MYO3A: variants seen among roughly 807,000 people sequenced by gnomAD.
MYO3A encodes myosin IIIA.
MYO3A carries 180 observed loss-of-function variants against 192.7 expected under a neutral mutation model. That is an observed-to-expected ratio of 0.93 (90% CI 0.83 to 1.06). The LOEUF is 1.06. MYO3A is among the 50% of genes least tolerant of loss of function. The probability of loss-of-function intolerance (pLI) is 0.00; values close to 1 mark genes in which losing one functional copy is unlikely to be tolerated. For missense variants in MYO3A, 1,896 were observed against 1,905.0 expected, an observed-to-expected ratio of 1.00 and a Z score of 0.09; for synonymous variants, 628 against 645.3, an observed-to-expected ratio of 0.97 and a Z score of 0.41.
chr10:26,000,607 A>G (rs192534467), intron 6 of MYO3A, among the ~76,000 whole-genome samples: 270 of 148,890 alleles, frequency 1.8e-3, no homozygotes, highest in African/African-American at 6.8e-3. Flanking sequence ...GATACACCAC[A>G]GGGTTTTTTT....
intron 6 of MYO3A, among the ~76,000 whole-genome samples, chr10:26,010,450 GTTTTT>G (rs778349166): frequency 2.7e-5 from 3 of 111,232 alleles, no homozygotes; most frequent in Admixed American, 1.0e-4. Flanking sequence ...CTAAGTAGTT[GTTTTT>G]TTTTTTTTTT....
Position 26,068,791 on chromosome 10 carries a change from G to A in MYO3A, c.1077G>A (p.Glu359=). 3.8e-6 allele frequency: 6 copies of A among 1,589,282 alleles called. No homozygotes were observed. The highest frequency in any genetic ancestry group is 5.2e-6 in the Non-Finnish European group (6 of 1,157,770). The part of the protein sequence containing the change: ...LDENTVSEQL[E]KCYSRDQIYV... ...AGAATACAGTCTCAGAGCAACTTGA[G>A]AAGTGTTATTCCAGAGATCAGATCT... Residue 359 remains glutamate, a synonymous_variant, in exon 12 of 35, where the codon GAG becomes GAA. Transcript: ENST00000642920.
Position 26,176,841 on chromosome 10 carries a change from C to T in MYO3A, c.4434C>T (p.Leu1478=). 6.2e-7 allele frequency: 1 copy of T among 1,614,032 alleles called. No homozygotes were observed. Among genetic ancestry groups the T allele is most frequent in the Non-Finnish European group, 8.5e-7 (1 of 1,179,950 alleles). ...GACGAGTTTCTTCTCAGCAGTGCCT[C>T]TCAGGTAAAAATCAGTAGAGTTAGA... ...INRRVSSQQC[L]SGVCKGEEPK... Residue 1478 remains leucine, a synonymous_variant, in exon 31 of 35, where the codon CTC becomes CTT. Coordinates refer to ENST00000642920, the MANE Select transcript of MYO3A (RefSeq NM_017433.5).
intron 17 of MYO3A, among the ~76,000 whole-genome samples, chr10:26,111,369 C>G (rs1003886434): frequency 2.6e-5 from 4 of 152,202 alleles, no homozygotes; most frequent in African/African-American, 9.6e-5. Flanking sequence ...TTCTTATGCT[C>G]TAATTCTGAT....
At chr10:26,002,044 CTATCTAAAAGGACT>C (rs1485944257) in intron 6 of MYO3A, among the ~76,000 whole-genome samples, 15 of 152,272 alleles carry the variant, frequency 9.9e-5, no homozygotes, top group African/African-American at 3.4e-4. Context: ...AGACTGAACC[CTATCTAAAAGGACT>C]TATGGATTTA....
In MYO3A at chr10:26,066,959, G is replaced by A. The variant is rs183163657; in HGVS notation, c.954-16G>A. The A allele has an allele frequency of 1.2e-3, 1,805 of 1,564,102 alleles. 28 individuals carry two copies. The highest frequency in any genetic ancestry group is 1.4e-4 in the Non-Finnish European group (159 of 1,134,224). On this transcript the variant is annotated splice_polypyrimidine_tract_variant and intron_variant, in intron 10 of 34. Transcript: ENST00000642920. ...CAGTAATCAATTCTTAAATCAGAAA[G>A]CGTTTTTCTCCACAGACGTGAACGT... is the stretch of plus-strand genomic sequence containing the variant.
At position 26,096,702 on chromosome 10, in the gene MYO3A, GAACTTC is replaced by G; in HGVS notation, c.1776+21_1776+26del. On this transcript the variant is annotated intron_variant, in intron 17 of 34. Transcript: ENST00000642920. The stretch of plus-strand genomic sequence containing the variant: ...ATGGAGGTAAGTATGAAAGACACTT[GAACTTC>G]TTTAGAAAGTATCTTTTTATCATCA... 2 of 1,468,614 alleles carry G rather than the reference GAACTTC, an allele frequency of 1.4e-6. No individual in the cohort carries two copies. Among genetic ancestry groups the G allele is most frequent in the Non-Finnish European group, 1.9e-6 (2 of 1,048,120 alleles). The allele number at this position is 1,468,614 out of a possible 1,614,324, so 91.0% of individuals were successfully genotyped here. A position where few individuals can be genotyped will look rare whatever the true frequency, so the allele number is the denominator to read the frequency against.
At chr10:26,205,146 G>T (rs531414189) in intron 34 of MYO3A, among the ~76,000 whole-genome samples, 1 of 152,104 alleles carries the variant, frequency 6.6e-6, no homozygotes, top group Non-Finnish European at 1.5e-5. Flanking sequence ...TTGACAAAAC[G>T]TGTATAAACT....
chr10:26,199,264 A>G (rs1843562012), intron 32 of MYO3A, among the ~76,000 whole-genome samples: 2 of 152,228 alleles, frequency 1.3e-5, no homozygotes, highest in Non-Finnish European at 2.9e-5. Context: ...AGAATATTCT[A>G]ACACAAGGCC....
At chr10:25,959,467 A>G (rs1024136948) in intron 4 of MYO3A, among the ~76,000 whole-genome samples, 3 of 152,116 alleles carry the variant, frequency 2.0e-5, no homozygotes, top group African/African-American at 7.2e-5. Flanking sequence ...CTATACCTAG[A>G]AGAATGGCTG....
intron 10 of MYO3A, among the ~76,000 whole-genome samples, chr10:26,049,269 A>G (rs1411313599): frequency 6.6e-6 from 1 of 152,178 alleles, no homozygotes; most frequent in African/African-American, 2.4e-5. Flanking sequence ...ATCATGAGAA[A>G]ACATCCAAAG....
intron 31 of MYO3A, among the ~76,000 whole-genome samples, chr10:26,185,402 C>A (rs1033524764): frequency 9.4e-5 from 12 of 127,096 alleles, no homozygotes; most frequent in Non-Finnish European, 1.6e-4. Flanking sequence ...TGCAGTGGCA[C>A]AATCTCAGGT....
intron 22 of MYO3A, among the ~76,000 whole-genome samples, chr10:26,146,710 A>T (rs1004131862): frequency 2.6e-5 from 4 of 152,222 alleles, no homozygotes; most frequent in Admixed American, 6.5e-5. Context: ...GTCACAGTGA[A>T]AGTTTACATC....
At chr10:25,955,720 T>C (rs900656791) in intron 4 of MYO3A, among the ~76,000 whole-genome samples, 1 of 152,230 alleles carries the variant, frequency 6.6e-6, no homozygotes, top group East Asian at 1.9e-4. Flanking sequence ...ATAAAATCTA[T>C]TAGAATTTTT....
chr10:26,074,090 A>G (rs1465917566), intron 14 of MYO3A, among the ~76,000 whole-genome samples: 1 of 152,172 alleles, frequency 6.6e-6, no homozygotes, highest in East Asian at 1.9e-4. Context: ...CCAAAAAAGA[A>G]AAAAAACTGT....
At chr10:26,156,353 G>A (rs562660994) in intron 25 of MYO3A, among the ~76,000 whole-genome samples, 26 of 152,212 alleles carry the variant, frequency 1.7e-4, no homozygotes, top group African/African-American at 6.0e-4. Context: ...TGCTATTTGT[G>A]TCCATACATT....
At chr10:26,076,353 T>C (rs1285315335) in intron 14 of MYO3A, among the ~76,000 whole-genome samples, 1 of 152,212 alleles carries the variant, frequency 6.6e-6, no homozygotes, top group Non-Finnish European at 1.5e-5. Context: ...TTGTTTGTTT[T>C]TTTCTTACTG....
chr10:25,996,466 C>G (rs760398382), intron 4 of MYO3A, 24 bp from the exon 5 acceptor site: 27 of 1,571,436 alleles, frequency 1.7e-5, no homozygotes, highest in Non-Finnish European at 2.1e-5. Flanking sequence ...TTTTTAATAG[C>G]CATCTTAAAA....
intron 10 of MYO3A, among the ~76,000 whole-genome samples, chr10:26,047,793 G>A (rs72795815): frequency 0.16 from 24,617 of 151,498 alleles, 2,281 homozygotes; most frequent in Non-Finnish European, 0.21. Flanking sequence ...AATTAAAAAA[G>A]AAAGAAAAGA....
Sources: gnomAD v4.1 joint callset for allele counts (sites outside exome capture counted in the v4.1 genomes callset) on GRCh38, gnomAD v4.1.1 for gene constraint, MANE v1.5 for transcripts, NCBI Gene and HGNC (gene_info 2026-07-23, HGNC 2026-07-21) for gene names.